DLG2: variants seen among roughly 807,000 people sequenced by gnomAD.
The protein encoded by DLG2 is disks large homolog 2.
Under a neutral mutation model 132.5 loss-of-function variants are expected in DLG2, and 45 were observed. That is an observed-to-expected ratio of 0.34 (90% CI 0.27 to 0.44). The LOEUF (loss-of-function observed/expected upper bound fraction) is 0.44, where lower values mean the gene tolerates loss of function less well. DLG2 is among the 20% of genes least tolerant of loss of function. The pLI, the probability that DLG2 is intolerant of heterozygous loss-of-function variation, is 1.00. For synonymous variants in DLG2, 424 were observed against 419.6 expected (o/e 1.01, Z -0.13); for missense variants, 1,045 against 1,196.9 (o/e 0.87, Z 1.87).
chr11:84,265,314 C>T (rs540557580), intron 7 of DLG2, among the ~76,000 whole-genome samples: 33 of 147,152 alleles, frequency 2.2e-4, no homozygotes, highest in Non-Finnish European at 4.0e-4. Flanking sequence ...GTTAAGAGTT[C>T]AATTCACATG....
intron 18 of DLG2, among the ~76,000 whole-genome samples, chr11:83,766,813 C>A (rs917950545): frequency 6.6e-6 from 1 of 152,242 alleles, no homozygotes; most frequent in Admixed American, 6.5e-5. Flanking sequence ...TAGTAGCTCA[C>A]AGCAACATAC....
chr11:84,434,918 GAA>G (rs770101910), intron 7 of DLG2, among the ~76,000 whole-genome samples: 27 of 79,246 alleles, frequency 3.4e-4, no homozygotes, highest in African/African-American at 9.5e-4. Context: ...GTCACCTACT[GAA>G]AAAAAAAAAA....
intron 3 of DLG2, among the ~76,000 whole-genome samples, chr11:85,518,528 G>T (rs1310288351): frequency 2.0e-5 from 3 of 152,126 alleles, no homozygotes; most frequent in African/African-American, 4.8e-5. Flanking sequence ...AGGTGACTTG[G>T]GTGCTATTAA....
At chr11:84,828,990 G>T (rs1363926563) in intron 6 of DLG2, among the ~76,000 whole-genome samples, 1 of 151,524 alleles carries the variant, frequency 6.6e-6, no homozygotes, top group Non-Finnish European at 1.5e-5. Context: ...TGAGTCTCTG[G>T]CTGAGTCTCT....
chr11:83,470,941 G>T (rs529360139), intron 24 of DLG2, among the ~76,000 whole-genome samples: 1 of 152,160 alleles, frequency 6.6e-6, no homozygotes, highest in South Asian at 2.1e-4. Context: ...ATGCATTTCT[G>T]TTTGACAGAG....
intron 16 of DLG2, among the ~76,000 whole-genome samples, chr11:83,862,872 C>T (rs143261962): frequency 2.6e-5 from 4 of 152,110 alleles, no homozygotes; most frequent in Non-Finnish European, 5.9e-5. Context: ...CTTTAACAAG[C>T]CATCACTTGT....
At chr11:83,471,963 G>A (rs2092091880) in intron 23 of DLG2, among the ~76,000 whole-genome samples, 1 of 147,422 alleles carries the variant, frequency 6.8e-6, no homozygotes, top group African/African-American at 2.4e-5. Flanking sequence ...AGTATCTGTT[G>A]ATGAAAAGAA....
intron 11 of DLG2, among the ~76,000 whole-genome samples, chr11:84,048,652 CT>C (rs1284368596): frequency 2.0e-5 from 3 of 151,794 alleles, no homozygotes; most frequent in African/African-American, 7.2e-5. Flanking sequence ...ATGAGGTCCC[CT>C]GATACAGTAA....
chr11:83,796,036 A>G (rs538097727), intron 17 of DLG2, among the ~76,000 whole-genome samples: 5 of 152,358 alleles, frequency 3.3e-5, no homozygotes, highest in Non-Finnish European at 7.3e-5. Flanking sequence ...TGTGTAATGT[A>G]TCTATTTATA....
chr11:83,750,380 G>T (rs1208745867), intron 18 of DLG2, among the ~76,000 whole-genome samples: 2 of 152,158 alleles, frequency 1.3e-5, no homozygotes, highest in Non-Finnish European at 2.9e-5. Flanking sequence ...ATCCAATATA[G>T]TTAAAGAGCA....
rs922284983 is a variant in DLG2, at chr11:84,133,618, T to C, written c.624+29843A>G. ...TTGTTTTGGATCTCTTGAGAGAGAA[T>C]AATTTTTTCCTTCTTCTTCTTCTTC... On this transcript the variant is annotated intron_variant, in intron 9 of 27. Coordinates refer to ENST00000376104, the MANE Select transcript of DLG2 (RefSeq NM_001142699.3). Among the ~76,000 whole-genome samples the C allele has an allele frequency of 2.8e-5, 3 of 107,768 alleles. No individual in the cohort carries two copies. In the South Asian group the frequency reaches 1.0e-3, roughly 37 times the overall value. 70.7% of individuals were successfully genotyped at this position (107,768 alleles called of 152,430 possible).
chr11:84,527,489 G>A (rs773823069), intron 7 of DLG2, among the ~76,000 whole-genome samples: 2 of 152,090 alleles, frequency 1.3e-5, no homozygotes, highest in Non-Finnish European at 2.9e-5. Context: ...CAAGTGCCCA[G>A]TTGTCTCAGG....
chr11:83,618,381 T>C (rs915515411), intron 19 of DLG2, among the ~76,000 whole-genome samples: 11 of 152,224 alleles, frequency 7.2e-5, no homozygotes, highest in African/African-American at 2.4e-4. Flanking sequence ...AATGACCTTG[T>C]TATGTTTTGG....
intron 6 of DLG2, among the ~76,000 whole-genome samples, chr11:84,573,756 C>T (rs972215266): frequency 1.3e-5 from 2 of 152,124 alleles, no homozygotes; most frequent in African/African-American, 4.8e-5. Flanking sequence ...AAAAGCTGTC[C>T]ATGACTCTAG....
intron 7 of DLG2, among the ~76,000 whole-genome samples, chr11:84,331,269 C>A (rs1600040568): frequency 6.6e-6 from 1 of 151,802 alleles, no homozygotes; most frequent in Non-Finnish European, 1.5e-5. Flanking sequence ...TTGTAATAGT[C>A]CTGAAAGTCC....
rs397737305 is a variant in DLG2, at chr11:85,229,198, T to TGC, written c.186+56021_186+56022insGC. ...GATCAACAACACAGTATTTTTTTTT[T>TGC]ACTTTAAAGAGTCAGCTGTCAAGAA... On this transcript the variant is annotated intron_variant, in intron 4 of 27. Coordinates refer to ENST00000376104, the MANE Select transcript of DLG2 (RefSeq NM_001142699.3). Among the ~76,000 whole-genome samples the TGC allele has an allele frequency of 9.9e-5, 15 of 151,472 alleles. 1 individual carries two copies. Among genetic ancestry groups the TGC allele is most frequent in the African/African-American group, 3.6e-4 (15 of 41,382 alleles).
intron 21 of DLG2, among the ~76,000 whole-genome samples, chr11:83,520,695 G>GTAGGTAGATAGATAGA (rs1555151886): frequency 1.3e-5 from 2 of 149,034 alleles, no homozygotes; most frequent in African/African-American, 5.0e-5. Flanking sequence ...AAGTAGGTAG[G>GTAGGTAGATAGATAGA]TAGATAGATA....
chr11:83,653,527 C>G (rs2071288339), intron 18 of DLG2, among the ~76,000 whole-genome samples: 1 of 152,254 alleles, frequency 6.6e-6, no homozygotes, highest in Admixed American at 6.5e-5. Context: ...CCTGAGAATT[C>G]CTTGATTTAT....
Position 84,723,702 on chromosome 11 carries a change from C to A in DLG2, c.358-188971G>T, listed in dbSNP as rs545710047. Among the ~76,000 whole-genome samples, 357 of 152,164 alleles carry A rather than the reference C, an allele frequency of 2.3e-3. 2 individuals are homozygous for A. Among genetic ancestry groups the A allele is most frequent in the African/African-American group, 8.2e-3 (342 of 41,512 alleles). On this transcript the variant is annotated intron_variant, in intron 6 of 27. Coordinates refer to ENST00000376104, the MANE Select transcript of DLG2 (RefSeq NM_001142699.3). The stretch of plus-strand genomic sequence containing the variant: ...GAGTGTACTGCATGGGGGTGTACTG[C>A]AATATTTTTAGGAGATATTACTAGG...
Sources: allele counts gnomAD v4.1 joint callset (sites outside exome capture counted in the v4.1 genomes callset), GRCh38; gene constraint gnomAD v4.1.1; transcripts MANE v1.5; gene names NCBI Gene and HGNC (gene_info 2026-07-23, HGNC 2026-07-21).